The following ANO1 variants were observed in gnomAD, a reference collection of about 807,000 sequenced individuals.
The protein encoded by ANO1 is anoctamin-1.
In ANO1, 59 loss-of-function variants were observed where a neutral mutation model predicts 124.0. That is an observed-to-expected ratio of 0.48 (90% CI 0.39 to 0.59). The LOEUF (loss-of-function observed/expected upper bound fraction) is 0.59. ANO1 is among the 20% of genes least tolerant of loss of function. The pLI, the probability that ANO1 is intolerant of heterozygous loss-of-function variation, is 0.00. For missense variants in ANO1, 1,059 were observed against 1,328.0 expected (o/e 0.80, Z 3.15); for synonymous variants, 529 against 532.0 (o/e 0.99, Z 0.08).
chr11:70,091,591 A>G (rs934688884), intron 2 of ANO1, among the ~76,000 whole-genome samples: 3 of 152,176 alleles, frequency 2.0e-5, no homozygotes, highest in Non-Finnish European at 4.4e-5. Flanking sequence ...AGAAGAGGAC[A>G]TGGAGGGAGA....
At chr11:69,966,432 CA>C in the ANO1 span, among the ~76,000 whole-genome samples, 1 of 152,192 alleles carries the variant, frequency 6.6e-6, no homozygotes, top group Non-Finnish European at 1.5e-5. Flanking sequence ...ATCCCACTTG[CA>C]AAATTTGGGA....
At chr11:70,073,587 A>G (rs944684872), upstream of ANO1, among the ~76,000 whole-genome samples, 2 of 152,148 alleles carry the variant, frequency 1.3e-5, no homozygotes, top group Admixed American at 1.3e-4. Flanking sequence ...GATGGTGGGC[A>G]GAAGGGAACG....
chr11:70,156,048 T>C (rs1040041816), intron 15 of ANO1, 60 bp downstream of exon 15: 33 of 1,403,472 alleles, frequency 2.4e-5, no homozygotes, highest in African/African-American at 6.0e-5. Flanking sequence ...TCAAAGTCGA[T>C]TGTGTTTTTC....
At chr11:70,151,182 C>T (rs576396701) in intron 12 of ANO1, among the ~76,000 whole-genome samples, 64 of 152,378 alleles carry the variant, frequency 4.2e-4, no homozygotes, top group African/African-American at 1.1e-3. Context: ...ATATAAAGCA[C>T]TTAGAACCTG....
intron 13 of ANO1, 43 bp downstream of exon 13, chr11:70,152,504 C>A (rs766439506): frequency 6.2e-7 from 1 of 1,602,752 alleles, no homozygotes; most frequent in South Asian, 1.1e-5. Context: ...CACAGCCTAT[C>A]TCCCTGGGAG....
At chr11:69,992,745 C>A (rs564726832) in intron 1 of ANO1, among the ~76,000 whole-genome samples, 6 of 152,202 alleles carry the variant, frequency 3.9e-5, no homozygotes, top group African/African-American at 9.7e-5. Flanking sequence ...TTTGGTGAGG[C>A]CTTCGTCTCT....
Position 70,006,370 on chromosome 11 carries a change from C to T in ANO1, c.58+20204C>T, listed in dbSNP as rs78026660. Among the ~76,000 whole-genome samples, 536 of 152,176 alleles carry T rather than the reference C, an allele frequency of 3.5e-3. 1 individual carries two copies. Among genetic ancestry groups the T allele is most frequent in the African/African-American group, 0.012 (518 of 41,518 alleles). ...CAGCTCTTCCTTATCTGAACTTGAC[C>T]CCAGCCCTGTAAGCAAATTTGCAAG... is the stretch of plus-strand genomic sequence containing the variant. On this transcript the variant is annotated intron_variant, in intron 1 of 27. Transcript: ENST00000531349.
intron 1 of ANO1, among the ~76,000 whole-genome samples, chr11:69,988,588 C>T (rs1554997129): frequency 6.6e-6 from 1 of 152,228 alleles, no homozygotes; most frequent in Non-Finnish European, 1.5e-5. Context: ...ATAACCTGCT[C>T]ATTCTCGCTC....
chr11:69,976,507 TAAAAAAAAAAAAAAAAAAAAAA>T, the ANO1 span, among the ~76,000 whole-genome samples: 147 of 74,438 alleles, frequency 2.0e-3, 8 homozygotes, highest in Middle Eastern at 6.9e-3. Context: ...ACTCCGTCTC[TAAAAAAAAAAAAAAAAAAAAAA>T]AAAAAAAAAA....
intron 1 of ANO1, among the ~76,000 whole-genome samples, chr11:70,040,607 G>A (rs893710872): frequency 1.3e-5 from 2 of 152,150 alleles, no homozygotes; most frequent in Admixed American, 1.3e-4. Context: ...CCTGGGAGGC[G>A]GAGTTTGCTG....
chr11:70,180,109 G>T, intron 23 of ANO1, 53 bp downstream of exon 23: 3 of 1,540,082 alleles, frequency 1.9e-6, no homozygotes, highest in Admixed American at 1.7e-5. Flanking sequence ...GAACTGCCAG[G>T]TGGCCGGGGC....
intron 1 of ANO1, among the ~76,000 whole-genome samples, chr11:70,010,800 C>G (rs1415589167): frequency 3.9e-5 from 6 of 152,230 alleles, no homozygotes; most frequent in Non-Finnish European, 8.8e-5. Context: ...CAGCCCATCT[C>G]ACTTGGCACA....
chr11:70,070,307 G>A (rs140059954), intron 1 of ANO1, among the ~76,000 whole-genome samples: 510 of 152,266 alleles, frequency 3.3e-3, no homozygotes, highest in Non-Finnish European at 4.1e-3. Flanking sequence ...ATGATGAAGC[G>A]AACTCCTCTG....
intron 3 of ANO1, 133 bp downstream of exon 3, chr11:70,103,297 C>T (rs2045352728): frequency 2.9e-6 from 2 of 692,726 alleles, no homozygotes; most frequent in Non-Finnish European, 2.4e-6. Flanking sequence ...CACGGCTACC[C>T]CTGCAAAGAC....
intron 1 of ANO1, among the ~76,000 whole-genome samples, chr11:70,007,717 A>G (rs1555000327): frequency 6.6e-6 from 1 of 152,192 alleles, no homozygotes; most frequent in African/African-American, 2.4e-5. Context: ...CAACGAACCT[A>G]GGTGTGCAGA....
At chr11:70,166,419 G>A (rs2048255819) in intron 20 of ANO1, among the ~76,000 whole-genome samples, 1 of 152,238 alleles carries the variant, frequency 6.6e-6, no homozygotes, top group Non-Finnish European at 1.5e-5. Flanking sequence ...CCCCATGCTG[G>A]CTGAGGATGG....
chr11:70,112,837 G>A (rs2045840337), intron 7 of ANO1, among the ~76,000 whole-genome samples: 1 of 152,170 alleles, frequency 6.6e-6, no homozygotes, highest in Non-Finnish European at 1.5e-5. Flanking sequence ...GGGATTACAG[G>A]CGTGAGCCAC....
chr11:70,118,967 T>A (rs2046122160), intron 8 of ANO1, among the ~76,000 whole-genome samples: 1 of 142,430 alleles, frequency 7.0e-6, no homozygotes, highest in Non-Finnish European at 1.5e-5. Context: ...GGTGGGTGAA[T>A]GGGTAGATGG....
chr11:70,160,434 A>T (rs1565262644), intron 16 of ANO1, among the ~76,000 whole-genome samples: 1 of 151,996 alleles, frequency 6.6e-6, no homozygotes, highest in Non-Finnish European at 1.5e-5. Flanking sequence ...ATTGTAGCCA[A>T]CTCCCACCAC....
Sources: allele counts gnomAD v4.1 joint callset (sites outside exome capture counted in the v4.1 genomes callset), GRCh38; gene constraint gnomAD v4.1.1; transcripts MANE v1.5; gene names NCBI Gene and HGNC (gene_info 2026-07-23, HGNC 2026-07-21).